KCNN2: variants seen among roughly 807,000 people sequenced by gnomAD.
KCNN2 encodes the protein small conductance calcium-activated potassium channel protein 2.
KCNN2 carries 24 observed loss-of-function variants against 55.5 expected under a neutral mutation model. The observed-to-expected ratio is 0.43, with a 90% CI of 0.31 to 0.61. The LOEUF (loss-of-function observed/expected upper bound fraction) is 0.61. Ranked by LOEUF, KCNN2 falls within the 20% of genes least tolerant of loss-of-function variation. The pLI, the probability that KCNN2 is intolerant of heterozygous loss-of-function variation, is 0.08. For synonymous variants in KCNN2, 431 were observed against 336.1 expected (o/e 1.28, Z -3.09); for missense variants, 754 against 853.6 (o/e 0.88, Z 1.45).
At position 114,265,324 on chromosome 5, in the gene KCNN2, GGTGTGTGTGTGTGTGTGT is replaced by G. The variant is rs60111802; in HGVS notation, c.-185+43783_-185+43800del. Among the ~76,000 whole-genome samples, 558 of 149,056 alleles carry G rather than the reference GGTGTGTGTGTGTGTGTGT, an allele frequency of 3.7e-3. 5 individuals are homozygous for G. The highest frequency in any genetic ancestry group is 0.013 in the African/African-American group (513 of 40,286). Reference sequence around the variant, plus strand: ...CAGGGAAACAGAACCATCAAGAGGAGGTGTGTGTGTGTGTGTGTGTGTGTGTGTGTGTGTGTGTGTGCA... The same window carrying G: ...CAGGGAAACAGAACCATCAAGAGGAGGTGTGTGTGTGTGTGTGTGTGTGCA... On this transcript the variant is annotated intron_variant, in intron 2 of 10. Transcript: ENST00000512097.
intron 3 of KCNN2, among the ~76,000 whole-genome samples, chr5:114,441,045 T>C (rs1021739845): frequency 1.4e-4 from 21 of 152,158 alleles, no homozygotes; most frequent in Non-Finnish European, 2.2e-4. Context: ...TGTCACTATG[T>C]TAATATCTGA....
chr5:114,470,125 A>G lies in KCNN2; in HGVS notation c.1780-2929A>G, dbSNP rs530423728. On this transcript the variant is annotated intron_variant, in intron 4 of 7. Transcript: ENST00000673685. ...GGTGAGAAATGGGCCAGTAGCAGAA[A>G]AGAATGGAGCCTGAGAATAAACACA... 2.0e-5 allele frequency among the ~76,000 whole-genome samples: 3 copies of G among 152,330 alleles called. No individual in the cohort carries two copies. The South Asian group carries it at 6.2e-4, about 32-fold the overall frequency.
intron 1 of KCNN2, among the ~76,000 whole-genome samples, chr5:114,175,120 G>T (rs1420083242): frequency 1.3e-5 from 2 of 152,120 alleles, no homozygotes; most frequent in Non-Finnish European, 2.9e-5. Flanking sequence ...ATAAGCTGTG[G>T]TTTCAGAAAT....
At chr5:114,075,641 G>C (rs1360565333) in intron 1 of KCNN2, among the ~76,000 whole-genome samples, 1 of 152,104 alleles carries the variant, frequency 6.6e-6, no homozygotes, top group Non-Finnish European at 1.5e-5. Context: ...ACTCACAACT[G>C]GCCATTATAA....
chr5:114,259,790 T>C (rs1755066020), intron 2 of KCNN2, among the ~76,000 whole-genome samples: 1 of 152,138 alleles, frequency 6.6e-6, no homozygotes, highest in Non-Finnish European at 1.5e-5. Flanking sequence ...ACCAGCCTCT[T>C]GTTTCCTTCT....
chr5:114,283,367 C>A (rs909777439), intron 2 of KCNN2, among the ~76,000 whole-genome samples: 4 of 152,056 alleles, frequency 2.6e-5, no homozygotes, highest in African/African-American at 7.2e-5. Flanking sequence ...TTTTTCAGTT[C>A]TATTATTTCT....
chr5:114,470,499 G>A (rs952763381), intron 4 of KCNN2, among the ~76,000 whole-genome samples: 1 of 152,166 alleles, frequency 6.6e-6, no homozygotes, highest in Admixed American at 6.5e-5. Context: ...GTTATCATAG[G>A]TGGTCACTGA....
intron 3 of KCNN2, among the ~76,000 whole-genome samples, chr5:114,435,948 C>A (rs960087893): frequency 3.9e-5 from 6 of 152,010 alleles, no homozygotes; most frequent in African/African-American, 1.4e-4. Context: ...TGTAAGGGTG[C>A]CTTAAATTTG....
At chr5:114,226,893 T>G (rs1754247201) in intron 2 of KCNN2, among the ~76,000 whole-genome samples, 2 of 94,590 alleles carry the variant, frequency 2.1e-5, no homozygotes, top group African/African-American at 9.1e-5. Context: ...ACAGCGAGAC[T>G]CCGTCTCAAA....
chr5:114,472,372 G>T (rs184422870), intron 4 of KCNN2, among the ~76,000 whole-genome samples: 252 of 152,258 alleles, frequency 1.7e-3, no homozygotes, highest in African/African-American at 6.0e-3. Flanking sequence ...AATTCAAAAA[G>T]GAACACTGTT....
upstream of KCNN2, among the ~76,000 whole-genome samples, chr5:114,360,551 G>A (rs1156333617): frequency 1.3e-5 from 2 of 152,234 alleles, no homozygotes; most frequent in African/African-American, 2.4e-5. Flanking sequence ...AGGGGGAGAC[G>A]GGAATTTGAA....
At chr5:114,437,175 G>GAT (rs143003995) in intron 3 of KCNN2, among the ~76,000 whole-genome samples, 66 of 152,056 alleles carry the variant, frequency 4.3e-4, no homozygotes, top group Non-Finnish European at 7.7e-4. Flanking sequence ...AGTAGAATTG[G>GAT]ATATATATAT....
chr5:114,441,978 C>G (rs1181990389), intron 3 of KCNN2, among the ~76,000 whole-genome samples: 4 of 152,158 alleles, frequency 2.6e-5, no homozygotes, highest in African/African-American at 7.2e-5. Context: ...AATTGGTGGA[C>G]TCAGGGATAG....
In KCNN2 at chr5:114,434,575, A is replaced by G. The variant is rs539184878; in HGVS notation, c.1638-28474A>G. Among the ~76,000 whole-genome samples, 494 of 152,356 alleles carry G rather than the reference A, an allele frequency of 3.2e-3. 3 individuals carry two copies. The highest frequency in any genetic ancestry group is 0.011 in the African/African-American group (476 of 41,582). On this transcript the variant is annotated intron_variant, in intron 3 of 7. Transcript: ENST00000673685. ...GATACTGGGTAAAAGGAGCTGGGAT[A>G]AACCGGTCTGTTGTAATCCCCTGGT...
chr5:114,321,236 T>C (rs1417881665), intron 2 of KCNN2, among the ~76,000 whole-genome samples: 1 of 152,180 alleles, frequency 6.6e-6, no homozygotes, highest in African/African-American at 2.4e-5. Flanking sequence ...TTACCTTATA[T>C]TGAGGGTTTG....
rs746876908 is a variant in KCNN2 at position 114,496,156 on chromosome 5, C to T, written c.2350C>T (p.Pro784Ser). 1.2e-6 allele frequency: 2 copies of T among 1,613,850 alleles called. No individual in the cohort carries two copies. The highest frequency in any genetic ancestry group is 1.3e-5 in the African/African-American group (1 of 74,896). The change falls in exon 8 of 8, where the codon CCA becomes TCA. Residue 784 changes from proline (P) to serine (S), a missense_variant. Transcript: ENST00000673685. ...SRRRRSSSTA[P>S]PTSSESS ...GAGGCGGCGGTCCTCTTCCACAGCA[C>T]CACCAACTTCATCAGAGAGTAGCTA...
intron 1 of KCNN2, among the ~76,000 whole-genome samples, chr5:114,154,085 T>C (rs930061523): frequency 6.6e-6 from 1 of 152,160 alleles, no homozygotes; most frequent in African/African-American, 2.4e-5. Context: ...TCTTTATAAA[T>C]AGCTTCATTA....
At position 114,175,158 on chromosome 5, in the gene KCNN2, A is replaced by G. The variant is rs561588174; in HGVS notation, c.-270-46322A>G. On this transcript the variant is annotated intron_variant, in intron 1 of 10. Coordinates refer to the KCNN2 transcript ENST00000512097. ...TTTTCTAAAAAGATTAGAATGATTA[A>G]TACTGTAATGTTAACAATTGCTATC... 1.1e-3 allele frequency among the ~76,000 whole-genome samples: 169 copies of G among 152,338 alleles called. 1 individual carries two copies. Among genetic ancestry groups the G allele is most frequent in the Non-Finnish European group, 1.5e-3 (104 of 68,028 alleles).
intron 5 of KCNN2, among the ~76,000 whole-genome samples, chr5:114,486,381 A>G (rs1747528305): frequency 6.6e-6 from 1 of 152,192 alleles, no homozygotes; most frequent in African/African-American, 2.4e-5. Context: ...TAGATTAAGT[A>G]TCCATGCCTT....
Sources: allele counts gnomAD v4.1 joint callset (sites outside exome capture counted in the v4.1 genomes callset), GRCh38; gene constraint gnomAD v4.1.1; transcripts MANE v1.5; gene names NCBI Gene and HGNC (gene_info 2026-07-23, HGNC 2026-07-21).